CYP4F11: variants seen among roughly 807,000 people sequenced by gnomAD.
The protein encoded by CYP4F11 is cytochrome P450 family 4 subfamily F member 11, also known as cytochrome P450 4F11.
In CYP4F11, 79 loss-of-function variants were observed where a neutral mutation model predicts 62.2. That is an observed-to-expected ratio of 1.27 (90% CI 1.06 to 1.53). The LOEUF is 1.53. Ranked by LOEUF, CYP4F11 falls within the 40% of genes most tolerant of loss-of-function variation. CYP4F11 has a pLI of 0.00. For missense variants in CYP4F11, 777 were observed against 680.5 expected, an observed-to-expected ratio of 1.14 and a Z score of -1.58; for synonymous variants, 290 against 263.7, an observed-to-expected ratio of 1.10 and a Z score of -0.97.
intron 8 of CYP4F11, among the ~76,000 whole-genome samples, chr19:15,916,726 C>A (rs1419909408): frequency 1.3e-5 from 2 of 151,732 alleles, no homozygotes; most frequent in African/African-American, 4.8e-5. Context: ...CAGTGAGATA[C>A]CCCCTACTTC....
intron 8 of CYP4F11, among the ~76,000 whole-genome samples, chr19:15,916,653 C>G (rs375890071): frequency 3.9e-5 from 6 of 152,018 alleles, no homozygotes; most frequent in Non-Finnish European, 7.4e-5. Flanking sequence ...AATGTACAAA[C>G]GGTGAACAAA....
chr19:15,913,600 C>T lies in CYP4F11; in HGVS notation c.*132G>A. The T allele has an allele frequency of 8.4e-7, 1 of 1,191,812 alleles. No homozygotes were observed. Among genetic ancestry groups the T allele is most frequent in the Non-Finnish European group, 1.2e-6 (1 of 846,064 alleles). 73.8% of individuals were successfully genotyped at this position (1,191,812 alleles called of 1,614,324 possible). On this transcript the variant is annotated 3_prime_UTR_variant, in exon 12 of 12. Transcript: ENST00000402119. Reference sequence around the variant, plus strand: ...TTCAGAGACGTCACCCTGCCTCCACCCACTCACCTCCCTTTCTTAGATCCC... The same window carrying T: ...TTCAGAGACGTCACCCTGCCTCCACTCACTCACCTCCCTTTCTTAGATCCC...
rs368333123 is a variant in CYP4F11 at position 15,934,443 on chromosome 19, G to C, written c.-35C>G. 1 of 1,607,234 alleles carries C rather than the reference G, an allele frequency of 6.2e-7. No individual in the cohort carries two copies. The highest frequency in any genetic ancestry group is 1.7e-5 in the Admixed American group (1 of 58,366). On this transcript the variant is annotated 5_prime_UTR_variant, in exon 1 of 12. Transcript: ENST00000402119. ...CAGACGGGATGGAGGGTGGGATCCT[G>C]AGGCCCAGGGAAGGGCCCAGGAAGC...
Position 15,915,692 on chromosome 19 carries a change from T to C in CYP4F11, c.1116-797A>G, listed in dbSNP as rs547399808. ...TTAACAGTATGTCAGTCTTTTCTTG[T>C]GTAGCTCCTGGGACTTGTATCAAAA... On this transcript the variant is annotated intron_variant, in intron 8 of 11. Coordinates refer to ENST00000402119, the MANE Select transcript of CYP4F11 (RefSeq NM_021187.4). 4.6e-5 allele frequency among the ~76,000 whole-genome samples: 7 copies of C among 151,954 alleles called. No homozygotes were observed. The South Asian group carries it at 1.2e-3, about 27-fold the overall frequency.
intron 1 of CYP4F11, among the ~76,000 whole-genome samples, chr19:15,931,533 T>G (rs371793787): frequency 9.7e-6 from 1 of 102,760 alleles, no homozygotes; most frequent in Non-Finnish European, 2.2e-5. Context: ...ATCAGAGGAA[T>G]GAGTGAGCGG....
Position 15,934,134 on chromosome 19 carries a change from C to T in CYP4F11, c.198+77G>A. The T allele has an allele frequency of 4.6e-6, 7 of 1,516,262 alleles. No homozygotes were observed. The South Asian group carries it at 4.7e-5, about 10-fold the overall frequency. The allele number at this position is 1,516,262 out of a possible 1,614,324, so 93.9% of individuals were successfully genotyped here. A position where few individuals can be genotyped will look rare whatever the true frequency, so the allele number is the denominator to read the frequency against. Reference sequence around the variant, plus strand: ...CACCCCAGCCACCCTCAAAACCCAGCTCCCTGAGCCCCATTCCTGCCCCTC... The same window carrying T: ...CACCCCAGCCACCCTCAAAACCCAGTTCCCTGAGCCCCATTCCTGCCCCTC... On this transcript the variant is annotated intron_variant, in intron 1 of 11. Coordinates refer to ENST00000402119, the MANE Select transcript of CYP4F11 (RefSeq NM_021187.4).
In CYP4F11 at chr19:15,934,045, G is replaced by C. The variant is rs371143318; in HGVS notation, c.198+166C>G. Among the ~76,000 whole-genome samples the C allele has an allele frequency of 5.6e-3, 418 of 74,664 alleles. 13 individuals carry two copies. Among genetic ancestry groups the C allele is most frequent in the African/African-American group, 0.012 (253 of 21,614 alleles). 49.0% of individuals were successfully genotyped at this position (74,664 alleles called of 152,430 possible). A position where few individuals can be genotyped will look rare whatever the true frequency, so the allele number is the denominator to read the frequency against. Reference sequence around the variant, plus strand: ...GTGGGCAGAGGAATGAGTGAGCGGGGAGAGGAATGAGTGAGTGGGCAGAGG... The same window carrying C: ...GTGGGCAGAGGAATGAGTGAGCGGGCAGAGGAATGAGTGAGTGGGCAGAGG... On this transcript the variant is annotated intron_variant, in intron 1 of 11. Transcript: ENST00000402119.
At chr19:15,934,043 G>A (rs376877713) in intron 1 of CYP4F11, among the ~76,000 whole-genome samples, 168 bp downstream of exon 1, 23 of 135,180 alleles carry the variant, frequency 1.7e-4, no homozygotes, top group Non-Finnish European at 1.9e-4. Context: ...TGAGTGAGCG[G>A]GGAGAGGAAT....
In CYP4F11 at chr19:15,912,676, A is replaced by ATAT. The variant is rs1165455379; in HGVS notation, c.*1055_*1056insATA. 1 of 27,692 alleles carries ATAT rather than the reference A, an allele frequency of 3.6e-5. No homozygotes were observed. The highest frequency in any genetic ancestry group is 1.3e-4 in the African/African-American group (1 of 7,726). The allele number at this position is 27,692 out of a possible 1,614,324, so 1.7% of individuals were successfully genotyped here. ...ACCTTCACCATCCTCAGGAAAAAAAAAAAAATATATATATATATATATGTG... is the reference window on the plus strand; with the variant it reads ...ACCTTCACCATCCTCAGGAAAAAAAATATAAAAATATATATATATATATATGTG... On this transcript the variant is annotated 3_prime_UTR_variant, in exon 12 of 12. Coordinates refer to ENST00000402119, the MANE Select transcript of CYP4F11 (RefSeq NM_021187.4).
intron 11 of CYP4F11, 149 bp from the exon 12 acceptor site, chr19:15,914,058 G>A (rs1256741400): frequency 1.8e-6 from 2 of 1,136,060 alleles, no homozygotes; most frequent in Non-Finnish European, 2.5e-6. Flanking sequence ...TCCCATGTGT[G>A]CTTGCATATC....
chr19:15,921,888 G>A, intron 8 of CYP4F11, 149 bp downstream of exon 8: 1 of 977,006 alleles, frequency 1.0e-6, no homozygotes, highest in Non-Finnish European at 1.4e-6. Context: ...CTGCTGGCCT[G>A]GCTGTGTATT....
At chr19:15,928,098 C>T (rs2089683957) in intron 2 of CYP4F11, 1 of 152,360 alleles carries the variant, frequency 6.6e-6, no homozygotes. Flanking sequence ...TACTAAGACT[C>T]AAATAATATC....
chr19:15,914,410 T>A, intron 10 of CYP4F11, 23 bp from the exon 11 acceptor site: 1 of 1,609,914 alleles, frequency 6.2e-7, no homozygotes, highest in Non-Finnish European at 8.5e-7. Context: ...CCAAGAAGGC[T>A]TGCTGGGTGG....
intron 8 of CYP4F11, among the ~76,000 whole-genome samples, chr19:15,919,413 C>T (rs867548392): frequency 0.022 from 3,211 of 144,588 alleles, 136 homozygotes; most frequent in African/African-American, 0.077. Flanking sequence ...GATGGATGGA[C>T]GGATGGATGG....
At chr19:15,927,377 C>G (rs745663556) in intron 3 of CYP4F11, 38 bp from the exon 4 acceptor site, 2 of 1,613,894 alleles carry the variant, frequency 1.2e-6, no homozygotes, top group Non-Finnish European at 1.7e-6. Context: ...AAGGGCAGCA[C>G]CCTCCCTTAT....
At chr19:15,933,885 AAGAGGAATGAGTGAGTGGGC>A (rs2145064421) in intron 1 of CYP4F11, among the ~76,000 whole-genome samples, 2 of 4,584 alleles carry the variant, frequency 4.4e-4, no homozygotes, top group South Asian at 0.012. Context: ...AGTGAGCGAG[AAGAGGAATGAGTGAGTGGGC>A]AGAGGAATGA....
Position 15,913,818 on chromosome 19 carries a change from C to G in CYP4F11, c.1489G>C (p.Glu497Gln). 6.2e-7 allele frequency: 1 copy of G among 1,614,192 alleles called. No homozygotes were observed. Among genetic ancestry groups the G allele is most frequent in the Non-Finnish European group, 8.5e-7 (1 of 1,180,030 alleles). Residue 497 changes from glutamate (E) to glutamine (Q), a missense_variant, in exon 12 of 12, where the codon GAA (glutamate) becomes CAA (glutamine). Physicochemically the swap from Glu to Gln is conservative, Grantham distance 29. Transcript: ENST00000402119. ...ATCAGCTCGGGTTTCCTGCGGGGTTCAGTGTGGGTCGGCAGGATGCGGAAG... is the reference window on the plus strand; with the variant it reads ...ATCAGCTCGGGTTTCCTGCGGGGTTGAGTGTGGGTCGGCAGGATGCGGAAG... ...LHFRILPTHTEPRRKPELILR... is the reference protein window; with the variant it reads ...LHFRILPTHTQPRRKPELILR...
intron 6 of CYP4F11, among the ~76,000 whole-genome samples, chr19:15,923,233 A>G (rs1249806319): frequency 1.3e-5 from 1 of 76,544 alleles, no homozygotes; most frequent in Non-Finnish European, 2.9e-5. Flanking sequence ...GAACAAAGCA[A>G]ACATCCTCTC....
chr19:15,926,539 A>T (rs988722269), intron 4 of CYP4F11, among the ~76,000 whole-genome samples: 1 of 152,184 alleles, frequency 6.6e-6, no homozygotes, highest in Non-Finnish European at 1.5e-5. Context: ...TGACCCTTTG[A>T]GTCTGTGCTA....
Sources: gnomAD v4.1 joint callset for allele counts (sites outside exome capture counted in the v4.1 genomes callset) on GRCh38, gnomAD v4.1.1 for gene constraint, MANE v1.5 for transcripts, NCBI Gene and HGNC (gene_info 2026-07-23, HGNC 2026-07-21) for gene names.